PHKB: variants seen among roughly 807,000 people sequenced by gnomAD.
The protein encoded by PHKB is phosphorylase kinase regulatory subunit beta.
A neutral mutation model predicts 152.1 loss-of-function variants in PHKB; 122 were observed. That is an observed-to-expected ratio of 0.80 (90% CI 0.69 to 0.93). The LOEUF (loss-of-function observed/expected upper bound fraction) is 0.93. PHKB is among the 40% of genes least tolerant of loss of function. The probability of loss-of-function intolerance (pLI) is 0.00; values close to 1 mark genes in which losing one functional copy is unlikely to be tolerated. For synonymous variants in PHKB, 436 were observed against 464.9 expected, an observed-to-expected ratio of 0.94 and a Z score of 0.80; for missense variants, 1,304 against 1,328.4, an observed-to-expected ratio of 0.98 and a Z score of 0.29.
At chr16:47,553,928 C>T (rs552389090) in intron 7 of PHKB, among the ~76,000 whole-genome samples, 9 of 152,280 alleles carry the variant, frequency 5.9e-5, no homozygotes, top group Admixed American at 2.6e-4. Context: ...CCCAGAGGGG[C>T]ACCCGCCAGA....
At chr16:47,604,301 T>G (rs1204368888) in intron 13 of PHKB, among the ~76,000 whole-genome samples, 1 of 152,230 alleles carries the variant, frequency 6.6e-6, no homozygotes, top group Non-Finnish European at 1.5e-5. Context: ...TATATTTTCA[T>G]GAGCAGAAGT....
At chr16:47,648,458 A>T in intron 16 of PHKB, 75 bp from the exon 17 acceptor site, 1 of 1,030,812 alleles carries the variant, frequency 9.7e-7, no homozygotes, top group South Asian at 1.3e-5. Context: ...TCAAAAATTA[A>T]CAGGACAATA....
chr16:47,555,784 T>C (rs538470388), intron 7 of PHKB, among the ~76,000 whole-genome samples: 2 of 152,326 alleles, frequency 1.3e-5, no homozygotes, highest in East Asian at 1.9e-4. Flanking sequence ...ATATGAACTT[T>C]AAAGTAGTTT....
intron 26 of PHKB, among the ~76,000 whole-genome samples, chr16:47,685,014 A>G (rs928010125): frequency 2.6e-5 from 4 of 152,162 alleles, no homozygotes; most frequent in Admixed American, 6.5e-5. Flanking sequence ...ACTCTGGGCC[A>G]TCCATAACCT....
intron 7 of PHKB, chr16:47,566,961 GTGTCTATTTT>G: frequency 1.9e-6 from 1 of 524,944 alleles, no homozygotes; most frequent in Non-Finnish European, 3.4e-6. Flanking sequence ...GAGGCTTTGT[GTGTCTATTTT>G]TGTACTGTTT....
chr16:47,593,683 T>C (rs1308053355), intron 11 of PHKB, 126 bp downstream of exon 11: 2 of 681,072 alleles, frequency 2.9e-6, no homozygotes, highest in Admixed American at 2.2e-5. Context: ...TAGACTGCGC[T>C]TCAGTGATGT....
intron 6 of PHKB, among the ~76,000 whole-genome samples, chr16:47,538,633 C>G (rs940504173): frequency 2.0e-5 from 3 of 152,198 alleles, no homozygotes; most frequent in Non-Finnish European, 1.5e-5. Context: ...CCCAGCCATT[C>G]GTCCTTCATG....
At chr16:47,688,334 C>T (rs979839855) in intron 26 of PHKB, among the ~76,000 whole-genome samples, 2 of 152,030 alleles carry the variant, frequency 1.3e-5, no homozygotes, top group South Asian at 2.1e-4. Flanking sequence ...GAGTTCTGTC[C>T]TCAGAATATA....
chr16:47,617,225 TATA>T (rs1972534764), intron 14 of PHKB, among the ~76,000 whole-genome samples: 2 of 147,910 alleles, frequency 1.4e-5, no homozygotes, highest in Non-Finnish European at 1.5e-5. Flanking sequence ...ATTTATATAA[TATA>T]ATGTATATAA....
intron 13 of PHKB, among the ~76,000 whole-genome samples, chr16:47,603,174 T>A (rs1440695811): frequency 6.6e-6 from 1 of 152,180 alleles, no homozygotes; most frequent in Non-Finnish European, 1.5e-5. Flanking sequence ...AGGTCTTGAT[T>A]TTCTTTGATC....
chr16:47,679,343 C>T (rs898650399), intron 26 of PHKB, among the ~76,000 whole-genome samples: 6 of 152,216 alleles, frequency 3.9e-5, no homozygotes, highest in East Asian at 3.8e-4. Context: ...GACATTGAAT[C>T]TATAAATTAC....
chr16:47,645,290 C>T (rs375972488), intron 16 of PHKB, among the ~76,000 whole-genome samples: 4 of 137,178 alleles, frequency 2.9e-5, no homozygotes, highest in Admixed American at 7.6e-5. Flanking sequence ...TCCTTGCCCA[C>T]GCCTATGTCC....
intron 6 of PHKB, among the ~76,000 whole-genome samples, chr16:47,526,126 C>T (rs1229227487): frequency 6.6e-6 from 1 of 152,054 alleles, no homozygotes; most frequent in Non-Finnish European, 1.5e-5. Flanking sequence ...AATGACTAGG[C>T]CATCTGGGTG....
intron 6 of PHKB, among the ~76,000 whole-genome samples, chr16:47,520,869 TAA>T (rs956705883): frequency 4.6e-5 from 7 of 152,290 alleles, no homozygotes; most frequent in African/African-American, 1.2e-4. Flanking sequence ...TAATTTTGAT[TAA>T]GTCTCATTTA....
Position 47,593,487 on chromosome 16 carries a change from T to C in PHKB, c.1069-13T>C, listed in dbSNP as rs1189772597. On this transcript the variant is annotated splice_polypyrimidine_tract_variant and intron_variant, in intron 10 of 30. Coordinates refer to ENST00000323584, the MANE Select transcript of PHKB (RefSeq NM_000293.3). ...TGTTAGTGTAAAATTTAATGTTTTA[T>C]TTTCTGTTTTAGCTATTTGATGGCA... 7.8e-7 allele frequency: 1 copy of C among 1,289,292 alleles called. No homozygotes were observed. The highest frequency in any genetic ancestry group is 1.7e-5 in the Admixed American group (1 of 59,346). 79.9% of individuals were successfully genotyped at this position (1,289,292 alleles called of 1,614,324 possible). A position where few individuals can be genotyped will look rare whatever the true frequency, so the allele number is the denominator to read the frequency against.
At chr16:47,657,290 T>A (rs1411847753) in intron 20 of PHKB, among the ~76,000 whole-genome samples, 1 of 152,210 alleles carries the variant, frequency 6.6e-6, no homozygotes. Context: ...CAAATATTTA[T>A]TGTGCTCCGA....
chr16:47,462,884 G>C (rs1195916719), intron 1 of PHKB: 1 of 152,132 alleles, frequency 6.6e-6, no homozygotes, highest in African/African-American at 2.4e-5. Flanking sequence ...TGAAGTATGA[G>C]ATAATTTTTT....
At chr16:47,472,671 T>G (rs1389923784) in intron 1 of PHKB, among the ~76,000 whole-genome samples, 2 of 152,080 alleles carry the variant, frequency 1.3e-5, no homozygotes, top group Non-Finnish European at 2.9e-5. Context: ...TAATCCCAAC[T>G]ACTCGGGAGG....
At chr16:47,555,666 T>C (rs1302938444) in intron 7 of PHKB, among the ~76,000 whole-genome samples, 4 of 152,246 alleles carry the variant, frequency 2.6e-5, no homozygotes, top group African/African-American at 9.6e-5. Context: ...TTAAAATATT[T>C]TGAATTTCTT....
Sources: allele counts gnomAD v4.1 joint callset (sites outside exome capture counted in the v4.1 genomes callset), GRCh38; gene constraint gnomAD v4.1.1; transcripts MANE v1.5; gene names NCBI Gene and HGNC (gene_info 2026-07-23, HGNC 2026-07-21).